TCF4: variants seen among roughly 807,000 people sequenced by gnomAD.
TCF4 encodes transcription factor 4, also known as SL3-3 enhancer factor 2.
TCF4 carries 3 observed loss-of-function variants against 82.1 expected under a neutral mutation model. The observed-to-expected ratio is 0.04, with a 90% confidence interval of 0.02 to 0.09. The LOEUF is 0.09. Ranked by LOEUF, TCF4 falls within the 10% of genes least tolerant of loss-of-function variation. The probability of loss-of-function intolerance (pLI) is 1.00; values close to 1 mark genes in which losing one functional copy is unlikely to be tolerated. For synonymous variants in TCF4, 276 were observed against 309.6 expected, an observed-to-expected ratio of 0.89 and a Z score of 1.14; for missense variants, 518 against 852.7, an observed-to-expected ratio of 0.61 and a Z score of 4.89.
chr18:55,508,467 A>C (rs2096788543), intron 3 of TCF4, among the ~76,000 whole-genome samples: 1 of 152,220 alleles, frequency 6.6e-6, no homozygotes, highest in Admixed American at 6.5e-5. Context: ...TCTAAATTTG[A>C]TCATGCTAAT....
chr18:55,484,124 G>A (rs1243996533), intron 3 of TCF4, among the ~76,000 whole-genome samples: 1 of 152,144 alleles, frequency 6.6e-6, no homozygotes, highest in East Asian at 1.9e-4. Flanking sequence ...TATGTTATGA[G>A]AGAGAAGTGA....
At chr18:55,535,097 G>A (rs1279180400) in intron 3 of TCF4, among the ~76,000 whole-genome samples, 1 of 152,136 alleles carries the variant, frequency 6.6e-6, no homozygotes, top group Non-Finnish European at 1.5e-5. Context: ...ACACATCCTG[G>A]TTAAACTACA....
intron 8 of TCF4, among the ~76,000 whole-genome samples, chr18:55,319,711 T>C (rs962727349): frequency 6.6e-6 from 1 of 152,082 alleles, no homozygotes; most frequent in Non-Finnish European, 1.5e-5. Flanking sequence ...ACCAAAATAT[T>C]TGGCAACTGA....
At chr18:55,614,698 G>A (rs1179542043) in intron 2 of TCF4, among the ~76,000 whole-genome samples, 1 of 152,100 alleles carries the variant, frequency 6.6e-6, no homozygotes, top group Non-Finnish European at 1.5e-5. Flanking sequence ...TTTTCTAGCA[G>A]TCTGTGACTT....
At chr18:55,528,270 T>C (rs959311806) in intron 3 of TCF4, among the ~76,000 whole-genome samples, 20 of 152,354 alleles carry the variant, frequency 1.3e-4, no homozygotes, top group African/African-American at 4.6e-4. Context: ...AGGTATCTAA[T>C]GTTTGGTAAG....
chr18:55,317,454 T>C (rs979549434), intron 8 of TCF4, among the ~76,000 whole-genome samples: 5 of 152,092 alleles, frequency 3.3e-5, no homozygotes, highest in Admixed American at 1.3e-4. Context: ...TTTGCATAGT[T>C]GACACTCTAC....
intron 8 of TCF4, among the ~76,000 whole-genome samples, chr18:55,334,335 T>C (rs2078194970): frequency 6.6e-6 from 1 of 152,166 alleles, no homozygotes; most frequent in Non-Finnish European, 1.5e-5. Context: ...AAGTCTTGTA[T>C]TTATAATTAA....
chr18:55,310,860 C>G (rs1185878553), intron 8 of TCF4, among the ~76,000 whole-genome samples: 2 of 152,062 alleles, frequency 1.3e-5, no homozygotes, highest in African/African-American at 4.8e-5. Context: ...TAATACACTT[C>G]CTCATTTAGG....
chr18:55,267,337 T>A (rs1257313747), intron 11 of TCF4: 1 of 152,130 alleles, frequency 6.6e-6, no homozygotes, highest in African/African-American at 2.4e-5. Flanking sequence ...TCTGCAGATG[T>A]ATCCTATTAA....
chr18:55,474,549 C>G (rs1248912441), intron 3 of TCF4, among the ~76,000 whole-genome samples: 1 of 152,106 alleles, frequency 6.6e-6, no homozygotes, highest in Non-Finnish European at 1.5e-5. Context: ...TCCAGCAACT[C>G]TTTCTAAAAG....
rs1037228418 is a variant in TCF4, at chr18:55,282,400, G to A, written c.550-2744C>T. Among the ~76,000 whole-genome samples, 5 of 152,046 alleles carry A rather than the reference G, an allele frequency of 3.3e-5. No homozygotes were observed. The East Asian group carries it at 7.7e-4, about 23-fold the overall frequency. On this transcript the variant is annotated intron_variant, in intron 8 of 19. Transcript: ENST00000354452. Reference sequence around the variant, plus strand: ...AAACACCATGATCATAATTTTCACAGTTCAGTTTATCTCTAATGGTTTAAT... The same window carrying A: ...AAACACCATGATCATAATTTTCACAATTCAGTTTATCTCTAATGGTTTAAT...
At chr18:55,589,939 G>A (rs971256286), upstream of TCF4, 14 of 625,442 alleles carry the variant, frequency 2.2e-5, no homozygotes, top group Admixed American at 5.7e-4. Flanking sequence ...GGTCGACCAC[G>A]CCTCCTCCGG....
intron 2 of TCF4, among the ~76,000 whole-genome samples, chr18:55,612,742 G>A (rs2097708284): frequency 6.6e-6 from 1 of 152,168 alleles, no homozygotes; most frequent in South Asian, 2.1e-4. Flanking sequence ...GAGGTGAGGA[G>A]TTCAAGACCA....
intron 8 of TCF4, among the ~76,000 whole-genome samples, chr18:55,345,309 C>T (rs1227447926): frequency 1.4e-5 from 2 of 144,400 alleles, no homozygotes; most frequent in African/African-American, 2.6e-5. Context: ...AAAAAAAAAA[C>T]GCACATGCTG....
intron 4 of TCF4, among the ~76,000 whole-genome samples, chr18:55,462,480 A>T (rs2095886912): frequency 6.6e-6 from 1 of 152,170 alleles, no homozygotes; most frequent in Non-Finnish European, 1.5e-5. Flanking sequence ...GATTTGTCTC[A>T]TGCAAACTTC....
intron 5 of TCF4, chr18:55,404,493 G>C (rs1469971228): frequency 6.6e-6 from 1 of 152,182 alleles, no homozygotes; most frequent in Non-Finnish European, 1.5e-5. Context: ...CTTTCGTCAA[G>C]ACTGGAGCTT....
chr18:55,601,805 C>A (rs538017907), intron 2 of TCF4, among the ~76,000 whole-genome samples: 1 of 152,162 alleles, frequency 6.6e-6, no homozygotes, highest in South Asian at 2.1e-4. Context: ...AAAAGAAGGT[C>A]GGCTTCAAGG....
intron 6 of TCF4, among the ~76,000 whole-genome samples, chr18:55,362,339 GAGGAAGGAAGGAAGGA>G (rs765447444): frequency 8.7e-5 from 6 of 68,578 alleles, no homozygotes; most frequent in South Asian, 5.5e-4. Flanking sequence ...AAAAAAAAAA[GAGGAAGGAAGGAAGGA>G]AGGAAGGAAG....
intron 15 of TCF4, among the ~76,000 whole-genome samples, chr18:55,246,612 A>G (rs578262253): frequency 1.3e-5 from 2 of 152,290 alleles, no homozygotes; most frequent in East Asian, 3.9e-4. Context: ...TTTTCTTTAA[A>G]TTAATATAGA....
Sources: allele counts gnomAD v4.1 joint callset (sites outside exome capture counted in the v4.1 genomes callset), GRCh38; gene constraint gnomAD v4.1.1; transcripts MANE v1.5; gene names NCBI Gene and HGNC (gene_info 2026-07-23, HGNC 2026-07-21).